Variants in PHF8 observed in about 807,000 individuals in gnomAD.
PHF8 encodes the protein histone lysine demethylase PHF8.
A neutral mutation model predicts 74.4 loss-of-function variants in PHF8; 9 were observed. The observed-to-expected ratio is 0.12, with a 90% CI of 0.07 to 0.21. PHF8 has a LOEUF of 0.21. Among genes scored for constraint, PHF8 ranks in the 10% least tolerant of loss-of-function variants. The probability of loss-of-function intolerance (pLI) is 1.00; values close to 1 mark genes in which losing one functional copy is unlikely to be tolerated. For missense variants in PHF8, 478 were observed against 816.6 expected, an observed-to-expected ratio of 0.59 and a Z score of 5.05; for synonymous variants, 311 against 316.6, an observed-to-expected ratio of 0.98 and a Z score of 0.19.
intron 10 of PHF8, among the ~76,000 whole-genome samples, chrX:54,001,338 AG>A (rs1271326912): frequency 9.2e-6 from 1 of 109,046 alleles, no homozygotes; most frequent in African/African-American, 3.3e-5. Context: ...AAAAAGAAAA[AG>A]AAAAAAAAAA....
intron 21 of PHF8, among the ~76,000 whole-genome samples, chrX:53,939,916 T>C (rs187845456): frequency 9.0e-6 from 1 of 111,037 alleles, no homozygotes; most frequent in Admixed American, 9.6e-5. Context: ...CCTGAACTTG[T>C]ATATGTGCCT....
chrX:54,021,715 G>A (rs1390042638), intron 4 of PHF8, among the ~76,000 whole-genome samples: 2 of 109,215 alleles, frequency 1.8e-5, no homozygotes, highest in Non-Finnish European at 3.8e-5. Context: ...TGATCCGCCC[G>A]CCTCGGCCTC....
chrX:54,031,308 C>G (rs1242670744), intron 2 of PHF8, among the ~76,000 whole-genome samples: 1 of 110,551 alleles, frequency 9.0e-6, no homozygotes, highest in African/African-American at 3.3e-5. Flanking sequence ...CTTATCTCCT[C>G]AACCTCTGCC....
chrX:53,943,633 G>C (rs781882725), intron 20 of PHF8, among the ~76,000 whole-genome samples: 28 of 111,860 alleles, frequency 2.5e-4, no homozygotes, highest in Non-Finnish European at 4.7e-4. Flanking sequence ...GTAATGCTAG[G>C]AGATGAATTT....
intron 13 of PHF8, among the ~76,000 whole-genome samples, chrX:53,993,170 A>G (rs1470984126): frequency 1.8e-5 from 2 of 110,975 alleles, no homozygotes; most frequent in East Asian, 2.8e-4. Flanking sequence ...CAAGACTACA[A>G]CCTGACACAC....
intron 4 of PHF8, among the ~76,000 whole-genome samples, chrX:54,021,972 AAG>A (rs1392215660): frequency 8.9e-6 from 1 of 111,928 alleles, no homozygotes; most frequent in African/African-American, 3.2e-5. Context: ...TTTATATTAA[AAG>A]AGTTTCTTCT....
At chrX:53,958,291 T>C (rs1276821098) in intron 19 of PHF8, among the ~76,000 whole-genome samples, 1 of 107,595 alleles carries the variant, frequency 9.3e-6, no homozygotes, top group Non-Finnish European at 1.9e-5. Context: ...CCGCTCACCC[T>C]GGCCTCCCAA....
chrX:53,980,704 A>G (rs2065466799), intron 18 of PHF8, among the ~76,000 whole-genome samples: 1 of 112,553 alleles, frequency 8.9e-6, no homozygotes, highest in South Asian at 3.6e-4. Flanking sequence ...GAAAGAATCA[A>G]CTACTGTCCT....
chrX:53,961,855 C>T (rs1351788755), intron 19 of PHF8, among the ~76,000 whole-genome samples: 1 of 111,306 alleles, frequency 9.0e-6, no homozygotes, highest in Non-Finnish European at 1.9e-5. Context: ...CATGTATCCT[C>T]GTATGCATGA....
chrX:53,944,178 T>C lies in PHF8; in HGVS notation c.2605A>G (p.Ile869Val), dbSNP rs1982081194. 1 of 1,208,095 alleles carries C rather than the reference T, an allele frequency of 8.3e-7. No homozygotes were observed. Among genetic ancestry groups the C allele is most frequent in the African/African-American group, 1.7e-5 (1 of 57,242 alleles). Residue 869 changes from isoleucine to valine, a missense_variant, in exon 20 of 22, where the codon ATT (isoleucine) becomes GTT (valine). Transcript: ENST00000338154. Reference protein sequence around the residue: ...PVREGTRVASIETGLAAAAAK... With the variant: ...PVREGTRVASVETGLAAAAAK... ...GCTGCTGCAGCCAAACCTGTCTCAA[T>C]AGAGGCTACCCGGGTCCCCTCACGC...
intron 2 of PHF8, among the ~76,000 whole-genome samples, chrX:54,037,539 A>C (rs1479284551): frequency 1.8e-5 from 2 of 112,369 alleles, no homozygotes; most frequent in Non-Finnish European, 3.7e-5. Flanking sequence ...GAATGACATC[A>C]CATGCCCAGC....
chrX:53,962,773 A>C, intron 19 of PHF8, 71 bp downstream of exon 19: 1 of 611,554 alleles, frequency 1.6e-6, no homozygotes, highest in Non-Finnish European at 2.9e-6. Context: ...CTGATATTAA[A>C]TATCCCACCT....
At position 54,014,545 on chromosome X, in the gene PHF8, C is replaced by T. The variant is rs782355087; in HGVS notation, c.615G>A (p.Glu205=). 8.3e-7 allele frequency: 1 copy of T among 1,204,986 alleles called. No individual in the cohort carries two copies. The highest frequency in any genetic ancestry group is 1.8e-5 in the South Asian group (1 of 56,706). The change falls in exon 7 of 22, where the codon GAG becomes GAA. Residue 205 remains glutamate, a synonymous_variant. Transcript: ENST00000338154. ...FSDTRLSNLV[E]TPKIVRKLSW... is the part of the protein sequence containing the mutation. ...ACAGCTTTCGAACAATCTTCGGTGT[C>T]TCCACAAGGTTAGAAAGTCTACCAA...
intron 21 of PHF8, among the ~76,000 whole-genome samples, chrX:53,939,504 C>T (rs1569523489): frequency 1.8e-5 from 2 of 110,410 alleles, no homozygotes; most frequent in Non-Finnish European, 3.8e-5. Context: ...CCACTGATTA[C>T]TCTGGTCCCA....
At chrX:54,003,980 C>T (rs782312979) in intron 8 of PHF8, among the ~76,000 whole-genome samples, 2 of 111,810 alleles carry the variant, frequency 1.8e-5, no homozygotes, top group African/African-American at 6.5e-5. Flanking sequence ...TCTGTGCTTC[C>T]AAAACTAGTG....
At chrX:53,967,177 C>T (rs1406514946) in intron 18 of PHF8, among the ~76,000 whole-genome samples, 7 of 102,545 alleles carry the variant, frequency 6.8e-5, no homozygotes, top group Non-Finnish European at 1.0e-4. Context: ...CCGCCCCGTC[C>T]GGGAGGTGAG....
At chrX:53,967,019 G>A (rs1384861994) in intron 18 of PHF8, among the ~76,000 whole-genome samples, 1 of 108,700 alleles carries the variant, frequency 9.2e-6, no homozygotes, top group African/African-American at 3.3e-5. Flanking sequence ...TGAGAAGTGA[G>A]GAGACCCTCC....
chrX:53,938,223 G>A lies in PHF8; in HGVS notation c.*935C>T. ...GTCCAGGCTGTGCTCTGTGGTATAG[G>A]CGGAGCAAGCAGGCTGTAGGGCCAG... On this transcript the variant is annotated 3_prime_UTR_variant, in exon 22 of 22. Coordinates refer to ENST00000338154, the MANE Select transcript of PHF8 (RefSeq NM_015107.3). 1 of 1,053,748 alleles carries A rather than the reference G, an allele frequency of 9.5e-7. No homozygotes were observed. Among genetic ancestry groups the A allele is most frequent in the Non-Finnish European group, 1.2e-6 (1 of 821,190 alleles). The allele number at this position is 1,053,748 out of a possible 1,213,427, so 86.8% of individuals were successfully genotyped here.
intron 18 of PHF8, among the ~76,000 whole-genome samples, chrX:53,981,357 G>C (rs1557097936): frequency 1.8e-5 from 2 of 112,342 alleles, no homozygotes; most frequent in East Asian, 5.5e-4. Context: ...GAAAGCCTTA[G>C]CAACATAAGA....
Sources: gnomAD v4.1 joint callset for allele counts (sites outside exome capture counted in the v4.1 genomes callset) on GRCh38, gnomAD v4.1.1 for gene constraint, MANE v1.5 for transcripts, NCBI Gene and HGNC (gene_info 2026-07-23, HGNC 2026-07-21) for gene names.